The following FN1 variants were observed in gnomAD, a reference collection of about 807,000 sequenced individuals.
FN1 encodes fibronectin 1.
FN1 carries 106 observed loss-of-function variants against 297.3 expected under a neutral mutation model. The observed-to-expected ratio is 0.36, with a 90% CI of 0.30 to 0.42. FN1 has a LOEUF of 0.42. Among genes scored for constraint, FN1 ranks in the 10% least tolerant of loss-of-function variants. FN1 has a pLI of 1.00. For synonymous variants in FN1, 1,149 were observed against 1,152.6 expected (o/e 1.00, Z 0.06); for missense variants, 2,690 against 3,124.9 (o/e 0.86, Z 3.32).
At chr2:215,365,678 G>T in intron 42 of FN1, 48 bp from the exon 43 acceptor site, 2 of 1,595,616 alleles carry the variant, frequency 1.3e-6, no homozygotes, top group South Asian at 2.2e-5. Context: ...TGTATATTCT[G>T]ACTCACAAGA....
At chr2:215,395,250 G>A (rs572988038) in intron 23 of FN1, among the ~76,000 whole-genome samples, 1 of 152,270 alleles carries the variant, frequency 6.6e-6, no homozygotes, top group African/African-American at 2.4e-5. Context: ...AGGAGAAAAG[G>A]TGAGAAACAA....
At chr2:215,394,450 G>A (rs2060068161) in intron 24 of FN1, 78 bp downstream of exon 24, 3 of 1,193,036 alleles carry the variant, frequency 2.5e-6, no homozygotes, top group Non-Finnish European at 3.8e-6. Flanking sequence ...ACACCCTTAA[G>A]CATCTGGGGA....
intron 37 of FN1, 29 bp from the exon 38 acceptor site, chr2:215,375,422 GA>G: frequency 6.2e-7 from 1 of 1,604,458 alleles, no homozygotes; most frequent in South Asian, 1.1e-5. Context: ...AAGTCTCTAA[GA>G]AGGCAAATAA....
intron 32 of FN1, 91 bp downstream of exon 32, chr2:215,382,121 A>G (rs1187182258): frequency 9.0e-6 from 7 of 776,890 alleles, no homozygotes; most frequent in African/African-American, 3.4e-5. Flanking sequence ...CACTTTCCCT[A>G]TGTGTAATTG....
Position 215,361,990 on chromosome 2 carries a change from T to G in FN1, c.7341A>C (p.Arg2447Ser), listed in dbSNP as rs1224376791. The G allele has an allele frequency of 6.2e-7, 1 of 1,613,288 alleles. No homozygotes were observed. Among genetic ancestry groups the G allele is most frequent in the South Asian group, 1.1e-5 (1 of 91,046 alleles). Residue 2447 changes from arginine (R) to serine (S), a missense_variant, in exon 45 of 46, where the codon AGA becomes AGC. Around this residue, in one of 3 missense-constraint regions of FN1, gnomAD observed 1,743 missense variants for 1,945.2 expected, o/e 0.90. Coordinates refer to ENST00000354785, the MANE Select transcript of FN1 (RefSeq NM_212482.4). The stretch of plus-strand genomic sequence containing the variant: ...TTACAGTGTTTGTTCTCTGATGGTA[T>G]CTCTGAGAATACTGGTTGTAGGACT... Reference protein sequence around the residue: ...TGQSYNQYSQRYHQRTNTNVN... With the variant: ...TGQSYNQYSQSYHQRTNTNVN...
chr2:215,390,442 C>T (rs2106054130), intron 26 of FN1, among the ~76,000 whole-genome samples: 1 of 152,300 alleles, frequency 6.6e-6, no homozygotes, highest in South Asian at 2.1e-4. Flanking sequence ...ACCTCAGCCT[C>T]CCAAAGTGCT....
rs1163154235 is a variant in FN1 at position 215,428,337 on chromosome 2, A to C, written c.687T>G (p.Asn229Lys). Residue 229 changes from asparagine (N) to lysine (K), a missense_variant and splice_region_variant, in exon 6 of 46, where the codon AAT becomes AAG. This residue lies in a region of FN1 where 876 missense variants were observed against 1,058.1 expected (regional missense o/e 0.83). Transcript: ENST00000354785. Reference protein sequence around the residue: ...GSGRITCTSRNRCNDQDTRTS... With the variant: ...GSGRITCTSRKRCNDQDTRTS... ...TCCTTGTGTCCTGATCGTTGCATCTATCTGTGTCACAAAGGAAGCACATAC... is the reference window on the plus strand; with the variant it reads ...TCCTTGTGTCCTGATCGTTGCATCTCTCTGTGTCACAAAGGAAGCACATAC... 2 of 1,613,948 alleles carry C rather than the reference A, an allele frequency of 1.2e-6. No homozygotes were observed. Among genetic ancestry groups the C allele is most frequent in the Non-Finnish European group, 1.7e-6 (2 of 1,180,004 alleles).
intron 2 of FN1, among the ~76,000 whole-genome samples, 158 bp downstream of exon 2, chr2:215,434,538 T>C (rs2106552397): frequency 6.6e-6 from 1 of 152,314 alleles, no homozygotes; most frequent in East Asian, 1.9e-4. Flanking sequence ...GGTAAAAGCA[T>C]GTGAAAAGCA....
intron 20 of FN1, among the ~76,000 whole-genome samples, chr2:215,400,822 C>T (rs1404233929): frequency 7.1e-6 from 1 of 141,828 alleles, no homozygotes; most frequent in Non-Finnish European, 1.5e-5. Flanking sequence ...TTGAGATGGA[C>T]TCTTGCTCTG....
Position 215,425,128 on chromosome 2 carries a change from C to G in FN1, c.1002G>C (p.Thr334=). 4 of 1,614,090 alleles carry G rather than the reference C, an allele frequency of 2.5e-6. No individual in the cohort carries two copies. The East Asian group carries it at 8.9e-5, about 36-fold the overall frequency. Residue 334 remains threonine, a synonymous_variant, in exon 7 of 46, where the codon ACG becomes ACC. Coordinates refer to ENST00000354785, the MANE Select transcript of FN1 (RefSeq NM_212482.4). The part of the protein sequence containing the change: ...KTQGNKQMLC[T]CLGNGVSCQE... ...GGCAGCTGACTCCGTTGCCCAGGCA[C>G]GTGCAAAGCATTTGCTTATTTCCTT...
chr2:215,371,671 C>A (rs2056159864), intron 40 of FN1, among the ~76,000 whole-genome samples: 1 of 114,542 alleles, frequency 8.7e-6, no homozygotes, highest in African/African-American at 3.2e-5. Context: ...AAAGTGGAGC[C>A]ACTTTTTTTT....
intron 4 of FN1, among the ~76,000 whole-genome samples, chr2:215,431,224 T>A (rs1553663596): frequency 1.3e-5 from 2 of 152,168 alleles, no homozygotes; most frequent in Non-Finnish European, 2.9e-5. Context: ...GAATTTTGAG[T>A]GGCCTAAATA....
In FN1 at chr2:215,436,058, C is replaced by G. The variant is rs916471636; in HGVS notation, c.-256G>C. On this transcript the variant is annotated 5_prime_UTR_variant, in exon 1 of 46. Coordinates refer to ENST00000354785, the MANE Select transcript of FN1 (RefSeq NM_212482.4). The stretch of plus-strand genomic sequence containing the variant: ...CCTCTCCTCCCCCTGTGCAGCACAG[C>G]CGGCGCGGGCGTCCGAGCGCCGGGA... The G allele has an allele frequency of 3.5e-5, 22 of 628,498 alleles. No individual in the cohort carries two copies. The African/African-American group carries it at 3.9e-4, about 11-fold the overall frequency. The allele number at this position is 628,498 out of a possible 1,614,324, so 38.9% of individuals were successfully genotyped here.
At chr2:215,393,400 A>G in intron 24 of FN1, 197 bp from the exon 25 acceptor site, 1 of 457,484 alleles carries the variant, frequency 2.2e-6, no homozygotes, top group South Asian at 3.8e-5. Flanking sequence ...CTTCCCTAGA[A>G]GAATAAACAG....
chr2:215,424,127 TCC>T lies in FN1; in HGVS notation c.1216+17_1216+18del. The T allele has an allele frequency of 6.2e-7, 1 of 1,612,528 alleles. No homozygotes were observed. The highest frequency in any genetic ancestry group is 8.5e-7 in the Non-Finnish European group (1 of 1,178,702). On this transcript the variant is annotated intron_variant, in intron 8 of 45. Coordinates refer to ENST00000354785, the MANE Select transcript of FN1 (RefSeq NM_212482.4). ...AGTGAGTTTTTCTCACTTCTGTGGCTCCCCCTTGGGACACTCACCAGTGTGGT... is the reference window on the plus strand; with the variant it reads ...AGTGAGTTTTTCTCACTTCTGTGGCTCCCTTGGGACACTCACCAGTGTGGT...
intron 25 of FN1, chr2:215,392,601 G>A: frequency 2.8e-6 from 1 of 359,170 alleles, no homozygotes; most frequent in Non-Finnish European, 5.3e-6. Context: ...ACGCAATTTG[G>A]TATTCGTGTT....
chr2:215,428,461 C>A, intron 5 of FN1, 123 bp from the exon 6 acceptor site: 1 of 832,296 alleles, frequency 1.2e-6, no homozygotes, highest in South Asian at 1.4e-5. Context: ...TCATATTCAG[C>A]TCTGGTGCTG....
intron 43 of FN1, among the ~76,000 whole-genome samples, chr2:215,365,271 T>C (rs941858774): frequency 6.6e-6 from 1 of 152,218 alleles, no homozygotes; most frequent in African/African-American, 2.4e-5. Flanking sequence ...TTACTGCAGA[T>C]AATGGTCAAA....
rs145866495 is a variant in FN1 at position 215,376,809 on chromosome 2, T to C, written c.5711-135A>G. The stretch of plus-strand genomic sequence containing the variant: ...TATATAACTAGTAATGTGTAGATTA[T>C]CTCCTTTGGCATTCAGAGAGAAAGG... On this transcript the variant is annotated intron_variant, in intron 35 of 45. Coordinates refer to ENST00000354785, the MANE Select transcript of FN1 (RefSeq NM_212482.4). The C allele has an allele frequency of 5.0e-3, 3,688 of 733,960 alleles. 22 individuals are homozygous for C. The highest frequency in any genetic ancestry group is 7.4e-3 in the Non-Finnish European group (3,205 of 435,176). 45.5% of individuals were successfully genotyped at this position (733,960 alleles called of 1,614,324 possible).
Sources: gnomAD v4.1 joint callset for allele counts (sites outside exome capture counted in the v4.1 genomes callset) on GRCh38, gnomAD v4.1.1 for gene constraint, gnomAD v4.1.1 regional missense constraint, MANE v1.5 for transcripts, NCBI Gene and HGNC (gene_info 2026-07-23, HGNC 2026-07-21) for gene names.